The following PIEZO2 variants were observed in gnomAD, a reference collection of about 807,000 sequenced individuals.
PIEZO2 encodes the protein piezo type mechanosensitive ion channel component 2, also known as piezo-type mechanosensitive ion channel component 2.
A neutral mutation model predicts 337.3 loss-of-function variants in PIEZO2; 172 were observed. The ratio of observed to expected loss-of-function variants is 0.51; its 90% confidence interval spans 0.45 to 0.58. The LOEUF is 0.58. Among genes scored for constraint, PIEZO2 ranks in the 20% least tolerant of loss-of-function variants. PIEZO2 has a pLI of 0.00. For missense variants in PIEZO2, 3,028 were observed against 3,391.3 expected (o/e 0.89, Z 2.66); for synonymous variants, 1,251 against 1,228.5 (o/e 1.02, Z -0.38).
At chr18:11,022,757 A>G (rs2036359678) in intron 2 of PIEZO2, among the ~76,000 whole-genome samples, 1 of 152,226 alleles carries the variant, frequency 6.6e-6, no homozygotes, top group African/African-American at 2.4e-5. Context: ...ACATGTGCAT[A>G]GAACTCTAGG....
At position 11,009,482 on chromosome 18, in the gene PIEZO2, T is replaced by A. The variant is rs2035823018; in HGVS notation, c.161-29822A>T. Reference sequence around the variant, plus strand: ...GAAGGGAGGTTGAGCCCAGCTCAGCTCATGGACTGGTTGAGGCGCGTGTGA... The same window carrying A: ...GAAGGGAGGTTGAGCCCAGCTCAGCACATGGACTGGTTGAGGCGCGTGTGA... On this transcript the variant is annotated intron_variant, in intron 2 of 55. Transcript: ENST00000674853. The surrounding 1 kb of genome is among the most constrained non-coding windows in gnomAD (Gnocchi z 4.6). 6.6e-6 allele frequency among the ~76,000 whole-genome samples: 1 copy of A among 152,194 alleles called. No homozygotes were observed.
Position 10,979,520 on chromosome 18 carries a change from C to A in PIEZO2, c.286+15G>T. ...AATAAAAGAAAACAATAAAAGAAAACACCATAATACTCACAGTTGTAGCCA... is the reference window on the plus strand; with the variant it reads ...AATAAAAGAAAACAATAAAAGAAAAAACCATAATACTCACAGTTGTAGCCA... On this transcript the variant is annotated intron_variant, in intron 3 of 55. Transcript: ENST00000674853. The surrounding 1 kb of genome is among the most constrained non-coding windows in gnomAD (Gnocchi z 4.0). 1 of 1,479,880 alleles carries A rather than the reference C, an allele frequency of 6.8e-7. No homozygotes were observed. Among genetic ancestry groups the A allele is most frequent in the Non-Finnish European group, 9.0e-7 (1 of 1,114,406 alleles). The allele number at this position is 1,479,880 out of a possible 1,614,324, so 91.7% of individuals were successfully genotyped here.
At chr18:10,892,956 G>A (rs1416328362) in intron 4 of PIEZO2, among the ~76,000 whole-genome samples, 1 of 152,176 alleles carries the variant, frequency 6.6e-6, no homozygotes, top group Non-Finnish European at 1.5e-5. Flanking sequence ...GTCAGTAAAG[G>A]TCCTTGAGCC....
rs968543879 is a variant in PIEZO2, at chr18:10,953,077, A to G, written c.286+26458T>C. ...TGTCTATTCAAAAATTTTGCCCATT[A>G]AAAAAAATGAGATGTTTCCTTAGTA... On this transcript the variant is annotated intron_variant, in intron 3 of 55. Coordinates refer to ENST00000674853, the MANE Select transcript of PIEZO2 (RefSeq NM_001378183.1). This position sits in a 1 kb window ranked among gnomAD's most constrained non-coding sequence, Gnocchi z 5.2. Among the ~76,000 whole-genome samples the G allele has an allele frequency of 6.6e-6, 1 of 151,854 alleles. No individual in the cohort carries two copies. Among genetic ancestry groups the G allele is most frequent in the African/African-American group, 2.4e-5 (1 of 41,368 alleles).
intron 2 of PIEZO2, among the ~76,000 whole-genome samples, chr18:11,030,694 G>A (rs1192613740): frequency 1.3e-5 from 2 of 152,114 alleles, no homozygotes; most frequent in Non-Finnish European, 2.9e-5. Flanking sequence ...CATAGGGGAC[G>A]GTGCTGCCCA....
intron 45 of PIEZO2, 96 bp downstream of exon 45, chr18:10,697,652 G>A: frequency 2.0e-6 from 3 of 1,468,222 alleles, no homozygotes; most frequent in Non-Finnish European, 2.7e-6. Context: ...TGTGACACGA[G>A]AAGTTACTTC....
rs2038748461 is a variant in PIEZO2 at position 10,775,390 on chromosome 18, T to C, written c.2535-1352A>G. Among the ~76,000 whole-genome samples, 1 of 152,210 alleles carries C rather than the reference T, an allele frequency of 6.6e-6. No individual in the cohort carries two copies. The highest frequency in any genetic ancestry group is 1.5e-5 in the Non-Finnish European group (1 of 68,034). ...TGATCGGCTGCTGCACAGTCGTCAG[T>C]ATGTATTTGTTCTCTTCAGGGATGC... On this transcript the variant is annotated intron_variant, in intron 18 of 55. Coordinates refer to ENST00000674853, the MANE Select transcript of PIEZO2 (RefSeq NM_001378183.1). This position sits in a 1 kb window ranked among gnomAD's most constrained non-coding sequence, Gnocchi z 4.3.
chr18:10,954,145 A>C lies in PIEZO2; in HGVS notation c.286+25390T>G, dbSNP rs1158494611. Among the ~76,000 whole-genome samples the C allele has an allele frequency of 1.3e-5, 2 of 152,220 alleles. No individual in the cohort carries two copies. The highest frequency in any genetic ancestry group is 4.8e-5 in the African/African-American group (2 of 41,454). ...TTCAAATTTTTATTTTTCATTTTCAAAATTACTTTGGCTATTGTAGTTTTT... is the reference window on the plus strand; with the variant it reads ...TTCAAATTTTTATTTTTCATTTTCACAATTACTTTGGCTATTGTAGTTTTT... On this transcript the variant is annotated intron_variant, in intron 3 of 55. Transcript: ENST00000674853. This position sits in a 1 kb window ranked among gnomAD's most constrained non-coding sequence, Gnocchi z 4.2.
rs2036567422 is a variant in PIEZO2 at position 10,726,905 on chromosome 18, A to AT, written c.5029+4501dup. The AT allele has an allele frequency of 5.0e-6, 8 of 1,585,644 alleles. No homozygotes were observed. In the South Asian group the frequency reaches 9.2e-5, roughly 18 times the overall value. Reference sequence around the variant, plus strand: ...CACATCATGGCCACCAACCGGCTGGATGTGGCGGAGCTGGGTCGCCTGCTG... The same window carrying AT: ...CACATCATGGCCACCAACCGGCTGGATTGTGGCGGAGCTGGGTCGCCTGCTG... On this transcript the variant is annotated intron_variant, in intron 36 of 55. Coordinates refer to ENST00000674853, the MANE Select transcript of PIEZO2 (RefSeq NM_001378183.1). The surrounding 1 kb of genome is among the most constrained non-coding windows in gnomAD (Gnocchi z 5.9).
chr18:11,018,698 G>A (rs2036210007), intron 2 of PIEZO2, among the ~76,000 whole-genome samples: 1 of 152,108 alleles, frequency 6.6e-6, no homozygotes, highest in Non-Finnish European at 1.5e-5. Context: ...TGATTAGGCA[G>A]AAGATGCATT....
chr18:10,759,822 A>G lies in PIEZO2; in HGVS notation c.3538T>C (p.Tyr1180His), dbSNP rs763627542. The G allele has an allele frequency of 1.3e-6, 2 of 1,537,394 alleles. No homozygotes were observed. Among genetic ancestry groups the G allele is most frequent in the African/African-American group, 2.7e-5 (2 of 73,184 alleles). ...IHACWLIAVL[Y>H]RRRRKAIAEI... ...GCGATGGCTTTCCTTCTGCGTCTAT[A>G]TAAGACAGCGATCAGCCAGCAGGCG... Residue 1180 changes from tyrosine to histidine, a missense_variant, in exon 25 of 56, where the codon TAT becomes CAT. Physicochemically the swap from Tyr to His is moderately conservative, Grantham distance 83. Around this residue, in one of 5 missense-constraint regions of PIEZO2, gnomAD observed 1,925 missense variants for 2,051.9 expected, o/e 0.94. Coordinates refer to ENST00000674853, the MANE Select transcript of PIEZO2 (RefSeq NM_001378183.1). This position sits in a 1 kb window ranked among gnomAD's most constrained non-coding sequence, Gnocchi z 5.5.
rs2036554414 is a variant in PIEZO2 at position 10,726,605 on chromosome 18, TGCGGGACGCCGAC to T, written c.5029+4789_5029+4801del. 2 of 1,341,148 alleles carry T rather than the reference TGCGGGACGCCGAC, an allele frequency of 1.5e-6. No individual in the cohort carries two copies. The highest frequency in any genetic ancestry group is 2.7e-5 in the East Asian group (1 of 36,516). The allele number at this position is 1,341,148 out of a possible 1,614,324, so 83.1% of individuals were successfully genotyped here. ...CTCTTCCAGGACCTGGCGCGCTACG[TGCGGGACGCCGAC>T]GTGCGCTGGGAGTACTGCGCGCGCG... On this transcript the variant is annotated intron_variant, in intron 36 of 55. Coordinates refer to ENST00000674853, the MANE Select transcript of PIEZO2 (RefSeq NM_001378183.1). The surrounding 1 kb of genome is among the most constrained non-coding windows in gnomAD (Gnocchi z 5.9).
chr18:10,982,840 C>T lies in PIEZO2; in HGVS notation c.161-3180G>A, dbSNP rs371523982. 7.7e-4 allele frequency among the ~76,000 whole-genome samples: 117 copies of T among 152,160 alleles called. 1 individual carries two copies. Among genetic ancestry groups the T allele is most frequent in the African/African-American group, 2.7e-3 (114 of 41,528 alleles). ...GGTTCAAGCGATTCTTGTGCCTCAGCCTTCTGAGTAGCTGGCATTACAGGC... is the reference window on the plus strand; with the variant it reads ...GGTTCAAGCGATTCTTGTGCCTCAGTCTTCTGAGTAGCTGGCATTACAGGC... On this transcript the variant is annotated intron_variant, in intron 2 of 55. Coordinates refer to ENST00000674853, the MANE Select transcript of PIEZO2 (RefSeq NM_001378183.1). This position sits in a 1 kb window ranked among gnomAD's most constrained non-coding sequence, Gnocchi z 4.1.
rs940778631 is a variant in PIEZO2, at chr18:10,834,385, T to C, written c.917+20968A>G. 6.6e-6 allele frequency among the ~76,000 whole-genome samples: 1 copy of C among 152,188 alleles called. No homozygotes were observed. Among genetic ancestry groups the C allele is most frequent in the Admixed American group, 6.5e-5 (1 of 15,276 alleles). ...TTATGGAGTTGTTGGGAGGATTAAA[T>C]GAAGTAACTAGCACCCGACAATACT... On this transcript the variant is annotated intron_variant, in intron 7 of 55. Transcript: ENST00000674853. This position sits in a 1 kb window ranked among gnomAD's most constrained non-coding sequence, Gnocchi z 4.5.
rs2038618219 is a variant in PIEZO2 at position 11,078,146 on chromosome 18, ACCACACACACACATACACACAC to A, written c.65-11946_65-11925del. On this transcript the variant is annotated intron_variant, in intron 1 of 55. Transcript: ENST00000674853. This position sits in a 1 kb window ranked among gnomAD's most constrained non-coding sequence, Gnocchi z 5.3. ...CATACACACACATACACACACACTC[ACCACACACACACATACACACAC>A]CACACACACATACACACACACACTT... 4.0e-5 allele frequency among the ~76,000 whole-genome samples: 6 copies of A among 149,832 alleles called. No homozygotes were observed. The highest frequency in any genetic ancestry group is 1.2e-4 in the African/African-American group (5 of 40,696).
At chr18:11,012,079 A>T (rs1453857113) in intron 2 of PIEZO2, among the ~76,000 whole-genome samples, 1 of 152,224 alleles carries the variant, frequency 6.6e-6, no homozygotes, top group African/African-American at 2.4e-5. Flanking sequence ...GCGAAAAAAA[A>T]AGTTTTAGGG....
chr18:10,791,368 G>A (rs761506713), intron 13 of PIEZO2, 44 bp from the exon 14 acceptor site: 3 of 1,447,674 alleles, frequency 2.1e-6, no homozygotes, highest in Non-Finnish European at 2.7e-6. Context: ...GCAACCATTT[G>A]GAATGTAAAA....
intron 7 of PIEZO2, among the ~76,000 whole-genome samples, chr18:10,852,997 A>T (rs565164674): frequency 5.8e-4 from 88 of 152,360 alleles, no homozygotes; most frequent in African/African-American, 2.1e-3. Context: ...GGTGATCAAC[A>T]GTTTCCCGAT....
In PIEZO2 at chr18:10,887,101, G is replaced by A. The variant is rs938770196; in HGVS notation, c.330-15686C>T. On this transcript the variant is annotated intron_variant, in intron 4 of 55. Coordinates refer to ENST00000674853, the MANE Select transcript of PIEZO2 (RefSeq NM_001378183.1). ...TTTTTTTTTTTTGAGACAGAGTCTC[G>A]CTGTGTTGACCAGACTGGAGTGCAG... is the stretch of plus-strand genomic sequence containing the variant. Among the ~76,000 whole-genome samples the A allele has an allele frequency of 1.1e-4, 13 of 122,124 alleles. No individual in the cohort carries two copies. In the East Asian group the frequency reaches 2.0e-3, roughly 18 times the overall value. The allele number at this position is 122,124 out of a possible 152,430, so 80.1% of individuals were successfully genotyped here. A position where few individuals can be genotyped will look rare whatever the true frequency, so the allele number is the denominator to read the frequency against.
Sources: allele counts gnomAD v4.1 joint callset (sites outside exome capture counted in the v4.1 genomes callset), GRCh38; gene constraint gnomAD v4.1.1; regional missense constraint gnomAD v4.1.1; non-coding constraint Gnocchi (gnomAD v3.1); transcripts MANE v1.5; gene names NCBI Gene and HGNC (gene_info 2026-07-23, HGNC 2026-07-21).